Variants in GABBR2 observed in about 807,000 individuals in gnomAD.
GABBR2 encodes G-protein coupled receptor 51.
Under a neutral mutation model 105.6 loss-of-function variants are expected in GABBR2, and 23 were observed. The observed-to-expected ratio is 0.22, with a 90% confidence interval of 0.16 to 0.31. The LOEUF (loss-of-function observed/expected upper bound fraction) is 0.31. Among genes scored for constraint, GABBR2 ranks in the 10% least tolerant of loss-of-function variants. GABBR2 has a pLI of 1.00. For synonymous variants in GABBR2, 478 were observed against 499.7 expected (o/e 0.96, Z 0.58); for missense variants, 734 against 1,245.5 (o/e 0.59, Z 6.18).
chr9:98,541,789 C>A lies in GABBR2; in HGVS notation c.630+84G>T, dbSNP rs903729926. The A allele has an allele frequency of 1.6e-5, 20 of 1,246,208 alleles. No homozygotes were observed. In the African/African-American group the frequency reaches 2.7e-4, roughly 17 times the overall value. The allele number at this position is 1,246,208 out of a possible 1,614,324, so 77.2% of individuals were successfully genotyped here. A position where few individuals can be genotyped will look rare whatever the true frequency, so the allele number is the denominator to read the frequency against. The stretch of plus-strand genomic sequence containing the variant: ...TGCTTAAAAGCCCTGTGACAGTACC[C>A]ATCCCTGACTAAACCACATTGCCTT... On this transcript the variant is annotated intron_variant, in intron 3 of 18. Coordinates refer to ENST00000259455, the MANE Select transcript of GABBR2 (RefSeq NM_005458.8).
chr9:98,690,772 CTG>C, intron 1 of GABBR2, among the ~76,000 whole-genome samples: 2 of 152,344 alleles, frequency 1.3e-5, no homozygotes, highest in Middle Eastern at 6.8e-3. Flanking sequence ...CTGCCACACT[CTG>C]AGAGAGACAG....
At chr9:98,339,059 G>A (rs968257573) in intron 13 of GABBR2, among the ~76,000 whole-genome samples, 6 of 152,274 alleles carry the variant, frequency 3.9e-5, no homozygotes, top group Non-Finnish European at 8.8e-5. Context: ...GACATGAAAT[G>A]TCCACAATAG....
intron 12 of GABBR2, among the ~76,000 whole-genome samples, chr9:98,370,640 A>G (rs1420442695): frequency 6.6e-6 from 1 of 152,228 alleles, no homozygotes; most frequent in African/African-American, 2.4e-5. Context: ...TGCTGTTTGC[A>G]GTTTTGAATA....
At chr9:98,703,303 A>G (rs1288672206) in intron 1 of GABBR2, among the ~76,000 whole-genome samples, 1 of 152,192 alleles carries the variant, frequency 6.6e-6, no homozygotes, top group Non-Finnish European at 1.5e-5. Flanking sequence ...CCATGCCTGC[A>G]TACAGCACAC....
At position 98,546,845 on chromosome 9, in the gene GABBR2, C is replaced by A. The variant is rs1329041652; in HGVS notation, c.460-4802G>T. On this transcript the variant is annotated intron_variant, in intron 2 of 18. Coordinates refer to ENST00000259455, the MANE Select transcript of GABBR2 (RefSeq NM_005458.8). ...GCTGGTTTTCAACTTTGTATCTATT[C>A]TTCTCTATTCTGGCTATGTGAATTA... 3.3e-5 allele frequency among the ~76,000 whole-genome samples: 2 copies of A among 60,000 alleles called. 1 individual carries two copies. Among genetic ancestry groups the A allele is most frequent in the Non-Finnish European group, 8.6e-5 (2 of 23,230 alleles). 39.4% of individuals were successfully genotyped at this position (60,000 alleles called of 152,430 possible). A position where few individuals can be genotyped will look rare whatever the true frequency, so the allele number is the denominator to read the frequency against.
chr9:98,672,435 AG>A (rs1351786968), intron 1 of GABBR2, among the ~76,000 whole-genome samples: 1 of 152,268 alleles, frequency 6.6e-6, no homozygotes, highest in African/African-American at 2.4e-5. Flanking sequence ...ACCAGCAAAA[AG>A]CATAGGTTTA....
At chr9:98,492,404 G>A (rs1006268620) in intron 4 of GABBR2, among the ~76,000 whole-genome samples, 1 of 85,082 alleles carries the variant, frequency 1.2e-5, no homozygotes, top group African/African-American at 3.7e-5. Context: ...GAAAAATTGT[G>A]GAGACTATAT....
At chr9:98,556,210 G>T (rs1828581366) in intron 2 of GABBR2, among the ~76,000 whole-genome samples, 1 of 152,176 alleles carries the variant, frequency 6.6e-6, no homozygotes, top group African/African-American at 2.4e-5. Flanking sequence ...TCGTACCAAG[G>T]AATCACTCAA....
intron 1 of GABBR2, chr9:98,607,843 GAAGA>G (rs997637484): frequency 2.2e-5 from 24 of 1,091,538 alleles, no homozygotes; most frequent in African/African-American, 7.8e-5. Flanking sequence ...ACAAATGGAA[GAAGA>G]AAGAAGGGAG....
chr9:98,480,658 C>T (rs748955798), intron 5 of GABBR2, among the ~76,000 whole-genome samples: 17 of 152,124 alleles, frequency 1.1e-4, no homozygotes, highest in Non-Finnish European at 2.5e-4. Context: ...CTGGTATCTC[C>T]CTGGCTAAGT....
chr9:98,612,812 A>G (rs564124796), intron 1 of GABBR2, among the ~76,000 whole-genome samples: 2 of 152,336 alleles, frequency 1.3e-5, no homozygotes, highest in Admixed American at 1.3e-4. Flanking sequence ...CCTGGCATTG[A>G]GAATTCTCTG....
At chr9:98,511,814 A>C (rs1490324337) in intron 3 of GABBR2, among the ~76,000 whole-genome samples, 2 of 152,238 alleles carry the variant, frequency 1.3e-5, no homozygotes, top group Admixed American at 6.5e-5. Context: ...TCACAGCCGA[A>C]TTCTACCAGA....
At chr9:98,329,871 C>G (rs1045582060) in intron 13 of GABBR2, among the ~76,000 whole-genome samples, 1 of 152,114 alleles carries the variant, frequency 6.6e-6, no homozygotes, top group East Asian at 1.9e-4. Context: ...TCTTCTCTCT[C>G]TCTCTCTCTC....
At chr9:98,481,030 T>C (rs1304722997) in intron 4 of GABBR2, 33 bp from the exon 5 acceptor site, 1 of 1,364,292 alleles carries the variant, frequency 7.3e-7, no homozygotes, top group Admixed American at 1.7e-5. Context: ...TGAAGGTGAG[T>C]AGATGTTCAG....
At chr9:98,324,658 G>GTTTTGGC (rs1830888942) in intron 13 of GABBR2, among the ~76,000 whole-genome samples, 1 of 152,204 alleles carries the variant, frequency 6.6e-6, no homozygotes, top group Non-Finnish European at 1.5e-5. Context: ...AAAACAGGAT[G>GTTTTGGC]CGTAATGGCT....
At chr9:98,427,003 G>GAAAA (rs1448834688) in intron 7 of GABBR2, among the ~76,000 whole-genome samples, 1 of 152,134 alleles carries the variant, frequency 6.6e-6, no homozygotes, top group Non-Finnish European at 1.5e-5. Flanking sequence ...AATCTGTCTC[G>GAAAA]AAAACAAACA....
intron 7 of GABBR2, among the ~76,000 whole-genome samples, chr9:98,423,090 A>AT (rs1470999523): frequency 1.3e-5 from 2 of 152,276 alleles, no homozygotes; most frequent in East Asian, 3.9e-4. Context: ...ATGTGTCTTT[A>AT]TAGCAGCATG....
At chr9:98,704,759 G>GAA (rs11434795) in intron 1 of GABBR2, among the ~76,000 whole-genome samples, 27 of 151,782 alleles carry the variant, frequency 1.8e-4, no homozygotes, top group South Asian at 1.5e-3. Flanking sequence ...TAATCAAATT[G>GAA]AAAAAAAATA....
At chr9:98,432,080 G>A (rs1260983535) in intron 7 of GABBR2, among the ~76,000 whole-genome samples, 1 of 152,120 alleles carries the variant, frequency 6.6e-6, no homozygotes, top group African/African-American at 2.4e-5. Flanking sequence ...ATTTTTAGTA[G>A]AGACAGGGTT....
Sources: allele counts gnomAD v4.1 joint callset (sites outside exome capture counted in the v4.1 genomes callset), GRCh38; gene constraint gnomAD v4.1.1; transcripts MANE v1.5; gene names NCBI Gene and HGNC (gene_info 2026-07-23, HGNC 2026-07-21).